SUGP2: variants seen among roughly 807,000 people sequenced by gnomAD.
SUGP2 encodes SURP and G-patch domain-containing protein 2.
SUGP2 carries 24 observed loss-of-function variants against 90.5 expected under a neutral mutation model. The observed-to-expected ratio is 0.27, with a 90% CI of 0.19 to 0.37. SUGP2 has a LOEUF of 0.37. Among genes scored for constraint, SUGP2 ranks in the 10% least tolerant of loss-of-function variants. The pLI, the probability that SUGP2 is intolerant of heterozygous loss-of-function variation, is 1.00. For missense variants in SUGP2, 1,233 were observed against 1,363.3 expected (o/e 0.90, Z 1.51); for synonymous variants, 473 against 513.4 (o/e 0.92, Z 1.06).
chr19:19,019,077 G>T, intron 4 of SUGP2, 32 bp downstream of exon 4: 1 of 1,603,624 alleles, frequency 6.2e-7, no homozygotes, highest in Non-Finnish European at 8.5e-7. Context: ...CTCCATGAGA[G>T]GGATTCACAG....
rs375186532 is a variant in SUGP2, at chr19:19,008,849, G to A, written c.2339-421C>T. 4.6e-5 allele frequency among the ~76,000 whole-genome samples: 7 copies of A among 152,300 alleles called. 1 individual carries two copies. Among genetic ancestry groups the A allele is most frequent in the African/African-American group, 1.7e-4 (7 of 41,558 alleles). On this transcript the variant is annotated intron_variant, in intron 5 of 10. Transcript: ENST00000452918. ...CCTGCCACTGACCGCAGACATGTGTGGGCTAGCTCAGCAGATGACCCAGCC... is the reference window on the plus strand; with the variant it reads ...CCTGCCACTGACCGCAGACATGTGTAGGCTAGCTCAGCAGATGACCCAGCC...
At chr19:19,031,198 AGG>A in intron 1 of SUGP2, 116 bp from the exon 2 acceptor site, 1 of 1,094,376 alleles carries the variant, frequency 9.1e-7, no homozygotes, top group Non-Finnish European at 1.3e-6. Context: ...ACCTGAGCTC[AGG>A]AGTTCGAGAC....
At chr19:19,013,765 C>T (rs1209449207) in intron 4 of SUGP2, among the ~76,000 whole-genome samples, 1 of 152,188 alleles carries the variant, frequency 6.6e-6, no homozygotes, top group Admixed American at 6.5e-5. Context: ...ACCTGGTGGG[C>T]TCTCCCTGGA....
chr19:19,026,242 CA>C lies in SUGP2; in HGVS notation c.122-17del, dbSNP rs745687846. The C allele has an allele frequency of 0.12, 96,640 of 836,108 alleles. No homozygotes were observed. The highest frequency in any genetic ancestry group is 0.18 in the South Asian group (7,822 of 43,848). The allele number at this position is 836,108 out of a possible 1,614,324, so 51.8% of individuals were successfully genotyped here. A position where few individuals can be genotyped will look rare whatever the true frequency, so the allele number is the denominator to read the frequency against. The stretch of plus-strand genomic sequence containing the variant: ...CTTAAGAGATCTGAAATAAACCATC[CA>C]AAAAAAAAAAAGAAGAAGCCAAAAG... On this transcript the variant is annotated splice_polypyrimidine_tract_variant and intron_variant, in intron 2 of 10. Coordinates refer to ENST00000452918, the MANE Select transcript of SUGP2 (RefSeq NM_001017392.5).
At chr19:19,003,704 G>C (rs1205678818) in intron 7 of SUGP2, 1 of 154,382 alleles carries the variant, frequency 6.5e-6, no homozygotes, top group Non-Finnish European at 1.4e-5. Flanking sequence ...CCCCACAGGA[G>C]AGCAGGAGAT....
chr19:19,031,457 C>T (rs1025909447), intron 1 of SUGP2, among the ~76,000 whole-genome samples: 8 of 151,934 alleles, frequency 5.3e-5, no homozygotes, highest in African/African-American at 1.9e-4. Flanking sequence ...TTGCTTGAAC[C>T]CAGGAGGCGG....
Position 19,028,306 on chromosome 19 carries a change from C to T in SUGP2, c.122-2080G>A, listed in dbSNP as rs1217630267. Reference sequence around the variant, plus strand: ...AAGGAGTACCAGATCCAAGTCGGGCCCTCAGTGGTACTCTGGAATTTACTC... The same window carrying T: ...AAGGAGTACCAGATCCAAGTCGGGCTCTCAGTGGTACTCTGGAATTTACTC... On this transcript the variant is annotated intron_variant, in intron 2 of 10. Transcript: ENST00000452918. Among the ~76,000 whole-genome samples, 3 of 152,116 alleles carry T rather than the reference C, an allele frequency of 2.0e-5. No homozygotes were observed. In the South Asian group the frequency reaches 6.2e-4, roughly 31 times the overall value.
intron 4 of SUGP2, among the ~76,000 whole-genome samples, chr19:19,011,622 T>C (rs1263442459): frequency 6.6e-6 from 1 of 152,234 alleles, no homozygotes; most frequent in Non-Finnish European, 1.5e-5. Flanking sequence ...TTGTTGCTGG[T>C]TTCTAGTTTG....
At chr19:18,994,794 C>T (rs1474796947) in intron 9 of SUGP2, 5 of 526,998 alleles carry the variant, frequency 9.5e-6, no homozygotes, top group Non-Finnish European at 1.4e-5. Context: ...AAACTTTGGG[C>T]CTGTGTTCGG....
At chr19:19,033,563 C>G (rs1331558601), upstream of SUGP2, 4 of 1,252,762 alleles carry the variant, frequency 3.2e-6, no homozygotes, top group Non-Finnish European at 4.0e-6. Flanking sequence ...CGCGCAGGCG[C>G]AAGCCGCCGC....
In SUGP2 at chr19:19,024,602, T is replaced by C. The variant is rs774701727; in HGVS notation, c.1729+17A>G. 1.9e-6 allele frequency: 3 copies of C among 1,577,072 alleles called. No individual in the cohort carries two copies. Among genetic ancestry groups the C allele is most frequent in the Non-Finnish European group, 2.6e-6 (3 of 1,163,344 alleles). On this transcript the variant is annotated intron_variant, in intron 3 of 10. Coordinates refer to ENST00000452918, the MANE Select transcript of SUGP2 (RefSeq NM_001017392.5). ...ACACGAAAAACAACAAATAGAAACT[T>C]TGGCTGATTTCCTTACCATCACTCA... is the stretch of plus-strand genomic sequence containing the variant.
intron 6 of SUGP2, among the ~76,000 whole-genome samples, chr19:19,007,776 T>G (rs1326523470): frequency 2.8e-4 from 39 of 140,434 alleles, no homozygotes; most frequent in Non-Finnish European, 4.4e-4. Flanking sequence ...TTTTTTTTTT[T>G]GGAGATGAAG....
rs200662743 is a variant in SUGP2, at chr19:19,014,015, C to T, written c.1851-3673G>A. Among the ~76,000 whole-genome samples the T allele has an allele frequency of 2.2e-4, 33 of 152,208 alleles. No homozygotes were observed. In the South Asian group the frequency reaches 2.3e-3, roughly 11 times the overall value. On this transcript the variant is annotated intron_variant, in intron 4 of 10. Coordinates refer to ENST00000452918, the MANE Select transcript of SUGP2 (RefSeq NM_001017392.5). ...GATTGATTCATTGATTGATTTGAGA[C>T]GGTGTTTTGCTCTTGTCGCCCAGGC... is the stretch of plus-strand genomic sequence containing the variant.
intron 4 of SUGP2, among the ~76,000 whole-genome samples, chr19:19,014,866 A>G (rs2058438937): frequency 6.6e-6 from 1 of 152,108 alleles, no homozygotes. Flanking sequence ...GGTCATGCAT[A>G]AAACTGTTCA....
chr19:19,023,395 A>G (rs2058802503), intron 3 of SUGP2, among the ~76,000 whole-genome samples: 1 of 152,134 alleles, frequency 6.6e-6, no homozygotes, highest in African/African-American at 2.4e-5. Context: ...AGATGCAATC[A>G]TAGGTCACTG....
intron 6 of SUGP2, 69 bp from the exon 7 acceptor site, chr19:19,004,715 C>T (rs1031506898): frequency 3.9e-5 from 52 of 1,319,958 alleles, no homozygotes; most frequent in Non-Finnish European, 1.4e-5. Context: ...GCTGAAACTG[C>T]TGGGATTGAT....
intron 6 of SUGP2, among the ~76,000 whole-genome samples, chr19:19,005,168 C>T (rs1277433819): frequency 6.6e-6 from 1 of 152,148 alleles, no homozygotes; most frequent in African/African-American, 2.4e-5. Flanking sequence ...CCTACATGGG[C>T]GTGGAGATGA....
chr19:19,033,267 G>A lies in SUGP2; in HGVS notation c.-12+170C>T, dbSNP rs528947792. ...CGAGGAAATGGGGGCGCCGGGCCCG[G>A]GAGGCCGCAGCCGGCCACCCAGGCC... On this transcript the variant is annotated intron_variant, in intron 1 of 10. Coordinates refer to ENST00000452918, the MANE Select transcript of SUGP2 (RefSeq NM_001017392.5). The A allele has an allele frequency of 5.1e-3, 3,638 of 716,646 alleles. 122 individuals are homozygous for A. The African/African-American group carries it at 0.065, about 13-fold the overall frequency. 44.4% of individuals were successfully genotyped at this position (716,646 alleles called of 1,614,324 possible). A position where few individuals can be genotyped will look rare whatever the true frequency, so the allele number is the denominator to read the frequency against.
intron 8 of SUGP2, among the ~76,000 whole-genome samples, chr19:18,997,036 G>A (rs1429440516): frequency 1.3e-5 from 2 of 152,052 alleles, no homozygotes; most frequent in Non-Finnish European, 2.9e-5. Context: ...GGGAAGCAGG[G>A]TGAGAAGGGC....
Sources: gnomAD v4.1 joint callset for allele counts (sites outside exome capture counted in the v4.1 genomes callset) on GRCh38, gnomAD v4.1.1 for gene constraint, MANE v1.5 for transcripts, NCBI Gene and HGNC (gene_info 2026-07-23, HGNC 2026-07-21) for gene names.